The following OTUD7A variants were observed in gnomAD, a reference collection of about 807,000 sequenced individuals.
The protein encoded by OTUD7A is OTU domain-containing protein 7A.
In OTUD7A, 12 loss-of-function variants were observed where a neutral mutation model predicts 65.7. That is an observed-to-expected ratio of 0.18 (90% CI 0.12 to 0.30). The LOEUF (loss-of-function observed/expected upper bound fraction) is 0.30. Among genes scored for constraint, OTUD7A ranks in the 10% least tolerant of loss-of-function variants. The pLI is 1.00. For missense variants in OTUD7A, 1,148 were observed against 1,304.8 expected, an observed-to-expected ratio of 0.88 and a Z score of 1.85; for synonymous variants, 641 against 586.3, an observed-to-expected ratio of 1.09 and a Z score of -1.35.
chr15:31,672,542 T>C (rs2141297249), intron 1 of OTUD7A, among the ~76,000 whole-genome samples: 1 of 152,272 alleles, frequency 6.6e-6, no homozygotes, highest in South Asian at 2.1e-4. Flanking sequence ...CAGGCAACAA[T>C]TCCACAGGGA....
chr15:31,590,232 C>T (rs987465858), intron 3 of OTUD7A, among the ~76,000 whole-genome samples: 6 of 152,138 alleles, frequency 3.9e-5, no homozygotes, highest in Non-Finnish European at 7.3e-5. Flanking sequence ...TTGTAGCTTA[C>T]GATCAATAGG....
At chr15:31,625,251 C>G (rs1479212729) in intron 3 of OTUD7A, among the ~76,000 whole-genome samples, 1 of 151,998 alleles carries the variant, frequency 6.6e-6, no homozygotes, top group Non-Finnish European at 1.5e-5. Flanking sequence ...CGAGAAGGAC[C>G]CTGAGCCAGT....
Position 31,655,076 on chromosome 15 carries a change from G to A in OTUD7A, c.151+20C>T, listed in dbSNP as rs757805163. 3.5e-5 allele frequency: 57 copies of A among 1,610,442 alleles called. No individual in the cohort carries two copies. The highest frequency in any genetic ancestry group is 4.6e-5 in the Non-Finnish European group (54 of 1,178,550). ...GTTATGCCCAGAATGGTGGTGTGGGGAACAAGGAGGTGGGCTTACCTTCCA... is the reference window on the plus strand; with the variant it reads ...GTTATGCCCAGAATGGTGGTGTGGGAAACAAGGAGGTGGGCTTACCTTCCA... On this transcript the variant is annotated intron_variant, in intron 3 of 12. Coordinates refer to ENST00000307050, the MANE Select transcript of OTUD7A (RefSeq NM_001382637.1).
intron 1 of OTUD7A, among the ~76,000 whole-genome samples, chr15:31,666,709 T>C (rs763846771): frequency 2.6e-5 from 4 of 152,172 alleles, no homozygotes; most frequent in African/African-American, 2.4e-5. Context: ...TCTAGTTCCT[T>C]GAGGTGTGAC....
intron 1 of OTUD7A, among the ~76,000 whole-genome samples, chr15:31,823,260 G>A (rs898009533): frequency 6.6e-6 from 1 of 152,230 alleles, no homozygotes. Context: ...AGGAGCATCA[G>A]CGACCTCCCA....
chr15:31,747,487 T>C (rs1350014930), intron 1 of OTUD7A, among the ~76,000 whole-genome samples: 1 of 152,096 alleles, frequency 6.6e-6, no homozygotes, highest in African/African-American at 2.4e-5. Context: ...GAGAGCTAGT[T>C]TGAAGGGATT....
At position 31,482,391 on chromosome 15, in the gene OTUD7A, C is replaced by G. The variant is rs2041138642; in HGVS notation, c.*903G>C. The G allele has an allele frequency of 1.3e-5, 2 of 152,344 alleles. No homozygotes were observed. Among genetic ancestry groups the G allele is most frequent in the African/African-American group, 4.8e-5 (2 of 41,476 alleles). 9.4% of individuals were successfully genotyped at this position (152,344 alleles called of 1,614,324 possible). ...GTCAATTCCTCGCTGTCTCCCGGGG[C>G]ACCGATGGTCACCGCCCAGGGGCCC... On this transcript the variant is annotated 3_prime_UTR_variant, in exon 13 of 13. Coordinates refer to ENST00000307050, the MANE Select transcript of OTUD7A (RefSeq NM_001382637.1).
At chr15:31,798,394 TTGC>T (rs1896030532) in intron 1 of OTUD7A, among the ~76,000 whole-genome samples, 1 of 152,148 alleles carries the variant, frequency 6.6e-6, no homozygotes, top group East Asian at 1.9e-4. Flanking sequence ...CCCCTCATGC[TTGC>T]TGTCCAGGTG....
In OTUD7A at chr15:31,479,994, G is replaced by C. The variant is rs895792386; in HGVS notation, c.*3300C>G. 1.3e-5 allele frequency: 2 copies of C among 152,136 alleles called. No homozygotes were observed. The highest frequency in any genetic ancestry group is 6.5e-5 in the Admixed American group (1 of 15,286). The allele number at this position is 152,136 out of a possible 1,614,324, so 9.4% of individuals were successfully genotyped here. A position where few individuals can be genotyped will look rare whatever the true frequency, so the allele number is the denominator to read the frequency against. On this transcript the variant is annotated 3_prime_UTR_variant, in exon 13 of 13. Transcript: ENST00000307050. ...GGAAATCAAGCTTTCAATAAAAAAA[G>C]ACACTGATACATTCCCACTTTCAGA...
chr15:31,750,403 C>A (rs80102070), intron 1 of OTUD7A, among the ~76,000 whole-genome samples: 291 of 88,282 alleles, frequency 3.3e-3, no homozygotes, highest in South Asian at 5.3e-3. Context: ...GAATCTGACT[C>A]AAAAAAAAAA....
intron 4 of OTUD7A, among the ~76,000 whole-genome samples, chr15:31,563,711 G>A (rs1398059526): frequency 2.6e-5 from 4 of 152,350 alleles, no homozygotes; most frequent in South Asian, 2.1e-4. Flanking sequence ...GGAGCTTGGC[G>A]GTTACACCAG....
At chr15:31,615,738 C>G (rs1432648031) in intron 3 of OTUD7A, among the ~76,000 whole-genome samples, 1 of 152,250 alleles carries the variant, frequency 6.6e-6, no homozygotes, top group Non-Finnish European at 1.5e-5. Flanking sequence ...CATTCAGACT[C>G]TCTTCTCTGA....
At chr15:31,575,511 A>G (rs1889178501) in intron 3 of OTUD7A, among the ~76,000 whole-genome samples, 1 of 152,228 alleles carries the variant, frequency 6.6e-6, no homozygotes, top group African/African-American at 2.4e-5. Flanking sequence ...ACATGGTAAC[A>G]AACAGCCTCC....
intron 4 of OTUD7A, among the ~76,000 whole-genome samples, chr15:31,566,435 C>T (rs1888876984): frequency 6.6e-6 from 1 of 152,048 alleles, no homozygotes; most frequent in Non-Finnish European, 1.5e-5. Context: ...AAAAGACAAA[C>T]CAATCAATAG....
chr15:31,828,895 C>G (rs1896863178), intron 1 of OTUD7A, among the ~76,000 whole-genome samples: 2 of 152,112 alleles, frequency 1.3e-5, no homozygotes, highest in South Asian at 4.2e-4. Flanking sequence ...TACACTATGA[C>G]TGGAGGAGGG....
intron 3 of OTUD7A, among the ~76,000 whole-genome samples, chr15:31,630,033 A>C (rs1198759727): frequency 1.3e-5 from 2 of 149,974 alleles, no homozygotes; most frequent in African/African-American, 4.9e-5. Flanking sequence ...TGATCCTTTC[A>C]AAAAACCAGC....
Position 31,487,384 on chromosome 15 carries a change from C to A in OTUD7A, c.1286+68G>T. On this transcript the variant is annotated intron_variant, in intron 11 of 12. Transcript: ENST00000307050. The surrounding 1 kb of genome is among the most constrained non-coding windows in gnomAD (Gnocchi z 6.0). ...AGGAGGAGCAGGGGTGGTACATTCC[C>A]TCCCCAGGATGCCCCAGCCATAGCC... The A allele has an allele frequency of 6.3e-7, 1 of 1,585,324 alleles. No homozygotes were observed. Among genetic ancestry groups the A allele is most frequent in the Non-Finnish European group, 8.6e-7 (1 of 1,158,682 alleles).
At chr15:31,488,191 C>G (rs964305205) in intron 10 of OTUD7A, among the ~76,000 whole-genome samples, 2 of 152,144 alleles carry the variant, frequency 1.3e-5, no homozygotes, top group African/African-American at 4.8e-5. Flanking sequence ...GATGGTGAAG[C>G]CTTTTTCGGA....
At chr15:31,629,547 A>G (rs975080976) in intron 3 of OTUD7A, among the ~76,000 whole-genome samples, 10 of 152,176 alleles carry the variant, frequency 6.6e-5, no homozygotes, top group Non-Finnish European at 1.0e-4. Flanking sequence ...TATTCAGCTA[A>G]AATTCTCTTT....
Sources: gnomAD v4.1 joint callset for allele counts (sites outside exome capture counted in the v4.1 genomes callset) on GRCh38, gnomAD v4.1.1 for gene constraint, Gnocchi (gnomAD v3.1) non-coding constraint, MANE v1.5 for transcripts, NCBI Gene and HGNC (gene_info 2026-07-23, HGNC 2026-07-21) for gene names.